Variants in TRIM54 observed in about 807,000 individuals in gnomAD.
TRIM54 encodes tripartite motif-containing protein 54.
Under a neutral mutation model 42.0 loss-of-function variants are expected in TRIM54, and 40 were observed. That is an observed-to-expected ratio of 0.95 (90% CI 0.74 to 1.24). TRIM54 has a LOEUF of 1.24. TRIM54 is among the 50% of genes most tolerant of loss of function. The pLI is 0.00. For missense variants in TRIM54, 485 were observed against 480.3 expected (o/e 1.01, Z -0.09); for synonymous variants, 199 against 194.9 (o/e 1.02, Z -0.17).
intron 1 of TRIM54, among the ~76,000 whole-genome samples, chr2:27,288,577 T>C (rs960882030): frequency 8.5e-5 from 13 of 152,230 alleles, no homozygotes; most frequent in African/African-American, 3.1e-4. Context: ...AGTCATTTCG[T>C]ACCCTGTGGT....
chr2:27,307,020 T>G lies in TRIM54; in HGVS notation c.*135T>G. 4.3e-6 allele frequency: 1 copy of G among 233,556 alleles called. No homozygotes were observed. The highest frequency in any genetic ancestry group is 8.4e-6 in the Non-Finnish European group (1 of 118,674). 14.5% of individuals were successfully genotyped at this position (233,556 alleles called of 1,614,324 possible). A position where few individuals can be genotyped will look rare whatever the true frequency, so the allele number is the denominator to read the frequency against. ...AAAGAACTCGAGCGTCCCAGACCCG[T>G]ATCTCCTTTCGCTGCCCAACCCCGC... On this transcript the variant is annotated 3_prime_UTR_variant, in exon 9 of 9. Coordinates refer to ENST00000380075, the MANE Select transcript of TRIM54 (RefSeq NM_187841.3). The surrounding 1 kb of genome is among the most constrained non-coding windows in gnomAD (Gnocchi z 6.9).
chr2:27,306,301 G>T lies in TRIM54; in HGVS notation c.955G>T (p.Val319Leu), dbSNP rs898602965. 4 of 1,614,058 alleles carry T rather than the reference G, an allele frequency of 2.5e-6. No homozygotes were observed. In the African/African-American group the frequency reaches 5.3e-5, roughly 22 times the overall value. The change falls in exon 7 of 9, where the codon GTG (valine) becomes TTG (leucine). Residue 319 changes from valine to leucine, a missense_variant. Physicochemically the swap from Val to Leu is conservative, Grantham distance 32. Transcript: ENST00000380075. This position sits in a 1 kb window ranked among gnomAD's most constrained non-coding sequence, Gnocchi z 6.1. ...GCAATTCACCGTAAGGGTGGAGCACGTGGCCGAAATGCTGCGGACCATCGA... is the reference window on the plus strand; with the variant it reads ...GCAATTCACCGTAAGGGTGGAGCACTTGGCCGAAATGCTGCGGACCATCGA... ...MEQFTVRVEH[V>L]AEMLRTIDFQ...
At chr2:27,301,659 C>T (rs915359437) in intron 3 of TRIM54, among the ~76,000 whole-genome samples, 1 of 152,094 alleles carries the variant, frequency 6.6e-6, no homozygotes, top group African/African-American at 2.4e-5. Flanking sequence ...CTTACTGCAA[C>T]CTGTTTTATC....
At chr2:27,291,904 G>C (rs561912759) in intron 1 of TRIM54, among the ~76,000 whole-genome samples, 3 of 152,256 alleles carry the variant, frequency 2.0e-5, no homozygotes, top group African/African-American at 7.2e-5. Context: ...ACGGGACTGT[G>C]GTGTCAGCAG....
chr2:27,303,110 G>A (rs1010169554), intron 3 of TRIM54, among the ~76,000 whole-genome samples: 31 of 152,116 alleles, frequency 2.0e-4, no homozygotes, highest in East Asian at 3.9e-4. Flanking sequence ...GGGGAGGGGC[G>A]AAGAGAAAAG....
intron 3 of TRIM54, among the ~76,000 whole-genome samples, chr2:27,304,211 CAAAT>C (rs1226657896): frequency 2.3e-5 from 3 of 133,288 alleles, no homozygotes; most frequent in East Asian, 4.2e-4. Flanking sequence ...GACCTTGTCT[CAAAT>C]ATATATATAT....
intron 1 of TRIM54, among the ~76,000 whole-genome samples, chr2:27,290,397 G>A (rs1207643496): frequency 6.6e-6 from 1 of 152,220 alleles, no homozygotes; most frequent in Non-Finnish European, 1.5e-5. Flanking sequence ...GCCGGGCCCA[G>A]TGGCTCATGC....
In TRIM54 at chr2:27,285,588, T is replaced by C. The variant is rs149962035; in HGVS notation, c.168+2689T>C. ...TAACTATTACCAACTTTCTTGGGAATACTTCCAGAAAATTTCCACAAATCG... is the reference window on the plus strand; with the variant it reads ...TAACTATTACCAACTTTCTTGGGAACACTTCCAGAAAATTTCCACAAATCG... On this transcript the variant is annotated intron_variant, in intron 1 of 8. Transcript: ENST00000380075. 5.9e-5 allele frequency among the ~76,000 whole-genome samples: 9 copies of C among 152,352 alleles called. No individual in the cohort carries two copies. In the East Asian group the frequency reaches 1.3e-3, roughly 23 times the overall value.
intron 1 of TRIM54, among the ~76,000 whole-genome samples, chr2:27,283,283 A>G (rs1678438729): frequency 6.6e-6 from 1 of 152,162 alleles, no homozygotes; most frequent in African/African-American, 2.4e-5. Flanking sequence ...AGAAAAGATT[A>G]ATGAGATAAT....
chr2:27,294,747 G>C (rs958773517), intron 1 of TRIM54, among the ~76,000 whole-genome samples: 1 of 151,680 alleles, frequency 6.6e-6, no homozygotes, highest in East Asian at 2.0e-4. Context: ...AAAATTAGCC[G>C]GACATAGTGG....
chr2:27,302,237 T>G, intron 3 of TRIM54, among the ~76,000 whole-genome samples: 1 of 147,612 alleles, frequency 6.8e-6, no homozygotes, highest in Non-Finnish European at 1.5e-5. Context: ...GATCACGAGG[T>G]CAGGAGATCG....
At chr2:27,299,884 G>GT (rs34347145) in intron 3 of TRIM54, among the ~76,000 whole-genome samples, 7,661 of 148,920 alleles carry the variant, frequency 0.051, 606 homozygotes, top group African/African-American at 0.18. Flanking sequence ...TTGTTTTTTG[G>GT]TTTTTTTTTG....
At chr2:27,297,168 C>G (rs879766196) in intron 1 of TRIM54, among the ~76,000 whole-genome samples, 8 of 152,214 alleles carry the variant, frequency 5.3e-5, no homozygotes, top group Admixed American at 5.2e-4. Flanking sequence ...ATCTCTGCAT[C>G]TCCCCACACA....
At chr2:27,305,333 T>G in intron 4 of TRIM54, 1 of 584,008 alleles carries the variant, frequency 1.7e-6, no homozygotes. Context: ...CATGGGTTCT[T>G]TTTGAGAATT....
chr2:27,307,159 C>G lies in TRIM54; in HGVS notation c.*274C>G. 9.4e-6 allele frequency: 3 copies of G among 319,936 alleles called. No individual in the cohort carries two copies. The highest frequency in any genetic ancestry group is 1.7e-5 in the Non-Finnish European group (3 of 172,186). The allele number at this position is 319,936 out of a possible 1,614,324, so 19.8% of individuals were successfully genotyped here. On this transcript the variant is annotated 3_prime_UTR_variant, in exon 9 of 9. Coordinates refer to ENST00000380075, the MANE Select transcript of TRIM54 (RefSeq NM_187841.3). The surrounding 1 kb of genome is among the most constrained non-coding windows in gnomAD (Gnocchi z 6.9). The stretch of plus-strand genomic sequence containing the variant: ...TTGGGCACCTCTGTGATGCCAGGAG[C>G]GAACTGGTGAGCCCAGCGCCCTGGG...
intron 3 of TRIM54, chr2:27,304,706 G>GT (rs1251714567): frequency 7.0e-6 from 3 of 427,024 alleles, no homozygotes; most frequent in Non-Finnish European, 1.3e-5. Context: ...CCAGTGTCTG[G>GT]TATCTGGTGG....
intron 1 of TRIM54, among the ~76,000 whole-genome samples, chr2:27,286,278 A>G (rs1261620176): frequency 6.6e-6 from 1 of 151,832 alleles, no homozygotes; most frequent in African/African-American, 2.4e-5. Flanking sequence ...CAAGCCCAGC[A>G]ATTTTTGCAT....
chr2:27,299,217 C>T (rs769345995), intron 2 of TRIM54, 28 bp from the exon 3 acceptor site: 20 of 1,611,362 alleles, frequency 1.2e-5, no homozygotes, highest in Admixed American at 5.0e-5. Context: ...TGCTTAAGGT[C>T]CACCTCCCCC....
At chr2:27,302,756 A>C (rs1679070615) in intron 3 of TRIM54, among the ~76,000 whole-genome samples, 1 of 152,272 alleles carries the variant, frequency 6.6e-6, no homozygotes, top group African/African-American at 2.4e-5. Flanking sequence ...GCGCCATTGC[A>C]CTCCAGCCTG....
Sources: gnomAD v4.1 joint callset for allele counts (sites outside exome capture counted in the v4.1 genomes callset) on GRCh38, gnomAD v4.1.1 for gene constraint, Gnocchi (gnomAD v3.1) non-coding constraint, MANE v1.5 for transcripts, NCBI Gene and HGNC (gene_info 2026-07-23, HGNC 2026-07-21) for gene names.